SLA2: variants seen among roughly 807,000 people sequenced by gnomAD.
The protein encoded by SLA2 is src-like-adapter 2.
Under a neutral mutation model 27.3 loss-of-function variants are expected in SLA2, and 22 were observed. The ratio of observed to expected loss-of-function variants is 0.81; its 90% CI spans 0.58 to 1.15. The LOEUF is 1.15. SLA2 is among the 50% of genes most tolerant of loss of function. SLA2 has a pLI of 0.00. For missense variants in SLA2, 304 were observed against 322.2 expected (o/e 0.94, Z 0.43); for synonymous variants, 131 against 137.8 (o/e 0.95, Z 0.34).
At chr20:36,631,570 C>T (rs970705668) in intron 5 of SLA2, among the ~76,000 whole-genome samples, 9 of 152,228 alleles carry the variant, frequency 5.9e-5, no homozygotes, top group African/African-American at 2.2e-4. Flanking sequence ...CAGCCCTTCA[C>T]ATTTGGCCTT....
At chr20:36,638,891 G>A (rs2039479039) in intron 2 of SLA2, among the ~76,000 whole-genome samples, 1 of 152,106 alleles carries the variant, frequency 6.6e-6, no homozygotes, top group African/African-American at 2.4e-5. Context: ...TTGTTGCCCA[G>A]GCTGGAGTGC....
rs766609435 is a variant in SLA2, at chr20:36,612,464, C to G, written c.*1402G>C. 3.5e-6 allele frequency: 2 copies of G among 565,496 alleles called. No homozygotes were observed. The highest frequency in any genetic ancestry group is 4.8e-4 in the Middle Eastern group (1 of 2,092). The allele number at this position is 565,496 out of a possible 1,614,324, so 35.0% of individuals were successfully genotyped here. On this transcript the variant is annotated 3_prime_UTR_variant, in exon 8 of 8. Coordinates refer to ENST00000262866, the MANE Select transcript of SLA2 (RefSeq NM_032214.4). ...TTCTGAAACAGCATGGCTGTATGTGCGTGGTCCATAGCACAGTACATGCAG... is the reference window on the plus strand; with the variant it reads ...TTCTGAAACAGCATGGCTGTATGTGGGTGGTCCATAGCACAGTACATGCAG...
At chr20:36,619,084 C>T (rs1773278967) in intron 5 of SLA2, among the ~76,000 whole-genome samples, 2 of 151,204 alleles carry the variant, frequency 1.3e-5, no homozygotes, top group South Asian at 2.1e-4. Context: ...AAAAATTAGC[C>T]AGGCTTGGTG....
chr20:36,625,753 C>T lies in SLA2; in HGVS notation c.382+6842G>A, dbSNP rs1427983101. 4.2e-5 allele frequency among the ~76,000 whole-genome samples: 6 copies of T among 142,628 alleles called. No homozygotes were observed. In the Admixed American group the frequency reaches 4.5e-4, roughly 11 times the overall value. The allele number at this position is 142,628 out of a possible 152,430, so 93.6% of individuals were successfully genotyped here. A position where few individuals can be genotyped will look rare whatever the true frequency, so the allele number is the denominator to read the frequency against. ...GAGGTGGGAGGATCACTTGAGCCCA[C>T]AAGTTCAAGACTGCAGTGAACCATG... is the stretch of plus-strand genomic sequence containing the variant. On this transcript the variant is annotated intron_variant, in intron 5 of 7. Transcript: ENST00000262866.
At chr20:36,645,521 T>C (rs182052610) in intron 1 of SLA2, among the ~76,000 whole-genome samples, 32 of 152,294 alleles carry the variant, frequency 2.1e-4, no homozygotes, top group Admixed American at 5.9e-4. Context: ...CTTTGGAGTC[T>C]GACTGCAGCG....
intron 2 of SLA2, among the ~76,000 whole-genome samples, chr20:36,636,702 C>T (rs2039453698): frequency 6.7e-6 from 1 of 148,950 alleles, no homozygotes; most frequent in African/African-American, 2.5e-5. Flanking sequence ...AATCCCAACA[C>T]TTTGGAAGGC....
chr20:36,641,290 AGCTTGG>A lies in SLA2; in HGVS notation c.40_45del (p.Pro14_Ser15del). The A allele has an allele frequency of 6.2e-7, 1 of 1,614,116 alleles. No homozygotes were observed. The highest frequency in any genetic ancestry group is 8.5e-7 in the Non-Finnish European group (1 of 1,179,972). On this transcript the variant is annotated inframe_deletion, in exon 2 of 8. Transcript: ENST00000262866. ...CCCTGGCCTTGGACAGAGGAACTCA[AGCTTGG>A]GCTTGGCAGAGATTTTCTTCTGCTG...
intron 5 of SLA2, among the ~76,000 whole-genome samples, chr20:36,616,576 G>A (rs1038545579): frequency 1.3e-5 from 2 of 151,832 alleles, no homozygotes; most frequent in African/African-American, 4.8e-5. Context: ...CTCGTGATCC[G>A]CCTGCCTCAG....
At chr20:36,643,515 C>T (rs1017533346) in intron 1 of SLA2, among the ~76,000 whole-genome samples, 31 of 152,266 alleles carry the variant, frequency 2.0e-4, no homozygotes, top group African/African-American at 7.5e-4. Context: ...CCCCACACTG[C>T]CTGGATGAGG....
chr20:36,633,780 G>C, intron 3 of SLA2, 151 bp from the exon 4 acceptor site: 1 of 626,042 alleles, frequency 1.6e-6, no homozygotes, highest in African/African-American at 1.8e-5. Context: ...GCCTGTCCAG[G>C]TACCTCCTGA....
chr20:36,627,462 C>T (rs1252554510), intron 5 of SLA2, among the ~76,000 whole-genome samples: 1 of 152,192 alleles, frequency 6.6e-6, no homozygotes, highest in Admixed American at 6.5e-5. Flanking sequence ...TGTCTGCACC[C>T]TGAGGACAAA....
intron 2 of SLA2, among the ~76,000 whole-genome samples, chr20:36,638,175 G>T (rs754093612): frequency 1.3e-5 from 2 of 152,002 alleles, no homozygotes; most frequent in Non-Finnish European, 2.9e-5. Context: ...ACAGGCATGC[G>T]CCTGGCCTGA....
chr20:36,618,712 C>T (rs1294407516), intron 5 of SLA2, among the ~76,000 whole-genome samples: 1 of 150,986 alleles, frequency 6.6e-6, no homozygotes, highest in Non-Finnish European at 1.5e-5. Flanking sequence ...TCAAGACCAG[C>T]CTGACCAACA....
At chr20:36,625,280 T>G (rs1293334829) in intron 5 of SLA2, among the ~76,000 whole-genome samples, 1 of 137,084 alleles carries the variant, frequency 7.3e-6, no homozygotes, top group Non-Finnish European at 1.5e-5. Context: ...TGGAACACAA[T>G]TGCATGATCT....
chr20:36,614,690 G>C lies in SLA2; in HGVS notation c.533-253C>G, dbSNP rs146666757. ...CTCTTGAGCTCAAGTTTCTGGTTAG[G>C]AAATTGCTTTGGGAAGAAGAAAGCT... On this transcript the variant is annotated intron_variant, in intron 6 of 7. Coordinates refer to ENST00000262866, the MANE Select transcript of SLA2 (RefSeq NM_032214.4). 4.7e-3 allele frequency: 4,669 copies of C among 985,420 alleles called. 10 individuals carry two copies. Among genetic ancestry groups the C allele is most frequent in the Non-Finnish European group, 5.4e-3 (4,485 of 829,930 alleles). The allele number at this position is 985,420 out of a possible 1,614,324, so 61.0% of individuals were successfully genotyped here.
intron 2 of SLA2, among the ~76,000 whole-genome samples, chr20:36,636,114 T>C (rs1231150430): frequency 3.3e-5 from 5 of 151,998 alleles, no homozygotes; most frequent in Non-Finnish European, 7.4e-5. Context: ...TGGCATGTGG[T>C]AGATTTAAAG....
intron 1 of SLA2, among the ~76,000 whole-genome samples, chr20:36,644,802 G>A (rs1366047881): frequency 6.6e-6 from 1 of 151,732 alleles, no homozygotes; most frequent in African/African-American, 2.4e-5. Context: ...GAGGACATGA[G>A]GCATCGGGTG....
At chr20:36,632,013 C>T (rs1326074655) in intron 5 of SLA2, among the ~76,000 whole-genome samples, 1 of 152,100 alleles carries the variant, frequency 6.6e-6, no homozygotes, top group African/African-American at 2.4e-5. Flanking sequence ...CCTAAACTGA[C>T]CCCCCATCTC....
At chr20:36,632,838 C>G in intron 4 of SLA2, 140 bp from the exon 5 acceptor site, 1 of 680,600 alleles carries the variant, frequency 1.5e-6, no homozygotes, top group Non-Finnish European at 2.5e-6. Context: ...CCACGAAGAG[C>G]TGGGCTCAGG....
Sources: gnomAD v4.1 joint callset for allele counts (sites outside exome capture counted in the v4.1 genomes callset) on GRCh38, gnomAD v4.1.1 for gene constraint, MANE v1.5 for transcripts, NCBI Gene and HGNC (gene_info 2026-07-23, HGNC 2026-07-21) for gene names.